The following CTNNA3 variants were observed in gnomAD, a reference collection of about 807,000 sequenced individuals.
The protein encoded by CTNNA3 is catenin alpha 3.
In CTNNA3, 76 loss-of-function variants were observed where a neutral mutation model predicts 95.7. The ratio of observed to expected loss-of-function variants is 0.79; its 90% confidence interval spans 0.66 to 0.96. The LOEUF (loss-of-function observed/expected upper bound fraction) is 0.96. Among genes scored for constraint, CTNNA3 ranks in the 40% least tolerant of loss-of-function variants. CTNNA3 has a pLI of 0.00. For synonymous variants in CTNNA3, 431 were observed against 374.4 expected (o/e 1.15, Z -1.74); for missense variants, 1,191 against 1,089.8 (o/e 1.09, Z -1.31).
intron 7 of CTNNA3, among the ~76,000 whole-genome samples, chr10:67,096,307 A>C (rs1857989281): frequency 6.6e-6 from 1 of 151,848 alleles, no homozygotes; most frequent in African/African-American, 2.4e-5. Context: ...GTAGGGATGG[A>C]AACAGAAGTG....
chr10:66,633,985 C>G (rs1845248096), intron 9 of CTNNA3, among the ~76,000 whole-genome samples: 1 of 152,040 alleles, frequency 6.6e-6, no homozygotes, highest in Non-Finnish European at 1.5e-5. Context: ...GTGTAATAAT[C>G]TCATTTATGA....
chr10:66,623,293 A>C (rs1844815730), intron 9 of CTNNA3, among the ~76,000 whole-genome samples: 1 of 152,136 alleles, frequency 6.6e-6, no homozygotes, highest in Non-Finnish European at 1.5e-5. Flanking sequence ...TCATTGGCTC[A>C]ATGTGGTCAA....
chr10:67,287,455 T>G (rs1255969655), intron 5 of CTNNA3, among the ~76,000 whole-genome samples: 3 of 152,242 alleles, frequency 2.0e-5, no homozygotes, highest in Non-Finnish European at 4.4e-5. Flanking sequence ...TAAATATCTT[T>G]GCATATAGTA....
chr10:66,122,252 A>C (rs967279891), intron 13 of CTNNA3, among the ~76,000 whole-genome samples: 1 of 152,204 alleles, frequency 6.6e-6, no homozygotes, highest in Non-Finnish European at 1.5e-5. Context: ...CACAGCTGAG[A>C]AGAGAATCAG....
At chr10:65,935,705 T>C (rs924469342) in intron 17 of CTNNA3, among the ~76,000 whole-genome samples, 2 of 152,062 alleles carry the variant, frequency 1.3e-5, no homozygotes, top group African/African-American at 2.4e-5. Context: ...ATTTTCTAAG[T>C]GTGTGTGTGT....
chr10:67,726,561 A>G (rs891767068), intron 1 of CTNNA3, among the ~76,000 whole-genome samples: 40 of 72,600 alleles, frequency 5.5e-4, no homozygotes, highest in Non-Finnish European at 4.8e-4. Context: ...TATATAATAT[A>G]ATATATATTA....
chr10:65,989,215 AGGCGTGAGCC>A (rs1013227894), intron 15 of CTNNA3, among the ~76,000 whole-genome samples: 5 of 152,216 alleles, frequency 3.3e-5, no homozygotes, highest in Admixed American at 2.0e-4. Flanking sequence ...CTGGGATTAC[AGGCGTGAGCC>A]GCCGTGCCCT....
At chr10:67,564,097 G>A (rs933282609) in intron 3 of CTNNA3, among the ~76,000 whole-genome samples, 2 of 149,724 alleles carry the variant, frequency 1.3e-5, no homozygotes, top group Non-Finnish European at 3.0e-5. Context: ...ATTCCTTAAG[G>A]ATCTAGAACT....
intron 7 of CTNNA3, among the ~76,000 whole-genome samples, chr10:67,071,536 T>C (rs1472331105): frequency 6.6e-6 from 1 of 151,988 alleles, no homozygotes; most frequent in Non-Finnish European, 1.5e-5. Context: ...TTGACTTCAT[T>C]TAAGATCTTG....
intron 10 of CTNNA3, among the ~76,000 whole-genome samples, chr10:66,526,974 G>T (rs111522203): frequency 1.3e-5 from 2 of 151,098 alleles, no homozygotes; most frequent in African/African-American, 4.9e-5. Context: ...TCCATTTTTT[G>T]TGCTTTTGGT....
intron 9 of CTNNA3, among the ~76,000 whole-genome samples, chr10:66,682,706 C>T (rs986791943): frequency 6.7e-6 from 1 of 148,964 alleles, no homozygotes; most frequent in African/African-American, 2.5e-5. Flanking sequence ...TCAGGGGGTA[C>T]ATGTACAGGT....
chr10:66,162,076 C>T (rs1221374556), intron 13 of CTNNA3, among the ~76,000 whole-genome samples: 3 of 151,688 alleles, frequency 2.0e-5, no homozygotes, highest in Non-Finnish European at 2.9e-5. Flanking sequence ...TTTAAGCTAT[C>T]TATTTTCTTG....
At chr10:67,723,838 G>A (rs1209713525) in intron 1 of CTNNA3, among the ~76,000 whole-genome samples, 1 of 151,964 alleles carries the variant, frequency 6.6e-6, no homozygotes, top group African/African-American at 2.4e-5. Flanking sequence ...CGTCTTTCTC[G>A]GTATGCTATG....
chr10:66,551,074 T>C (rs1477137765), intron 10 of CTNNA3, among the ~76,000 whole-genome samples: 1 of 152,190 alleles, frequency 6.6e-6, no homozygotes, highest in Non-Finnish European at 1.5e-5. Context: ...ATTTACCCTT[T>C]CCAATTGTTC....
chr10:66,135,154 A>G (rs1240220265), intron 13 of CTNNA3, among the ~76,000 whole-genome samples: 1 of 152,210 alleles, frequency 6.6e-6, no homozygotes, highest in African/African-American at 2.4e-5. Flanking sequence ...TTAGCTAGTA[A>G]CAGTAAAAGA....
At chr10:67,278,459 A>G (rs1022992979) in intron 5 of CTNNA3, among the ~76,000 whole-genome samples, 5 of 152,172 alleles carry the variant, frequency 3.3e-5, no homozygotes, top group African/African-American at 1.2e-4. Flanking sequence ...CTTCCAGGCC[A>G]TAGGTGAATT....
intron 16 of CTNNA3, among the ~76,000 whole-genome samples, chr10:65,967,173 G>A: frequency 6.6e-6 from 1 of 151,452 alleles, no homozygotes; most frequent in Non-Finnish European, 1.5e-5. Flanking sequence ...ATCTAGGATG[G>A]TCTTGATCTC....
At chr10:67,559,430 C>A (rs1265647619) in intron 3 of CTNNA3, among the ~76,000 whole-genome samples, 2 of 152,196 alleles carry the variant, frequency 1.3e-5, no homozygotes, top group Admixed American at 6.5e-5. Context: ...GCTGAGGGTC[C>A]TGTCTGTTAG....
In CTNNA3 at chr10:67,709,088, C is replaced by T. The variant is rs540696656; in HGVS notation, c.-2+54346G>A. Among the ~76,000 whole-genome samples, 21 of 152,180 alleles carry T rather than the reference C, an allele frequency of 1.4e-4. No individual in the cohort carries two copies. In the East Asian group the frequency reaches 3.9e-3, roughly 28 times the overall value. On this transcript the variant is annotated intron_variant, in intron 1 of 17. Coordinates refer to the CTNNA3 transcript ENST00000684154. The stretch of plus-strand genomic sequence containing the variant: ...ACTCTTCCCCTTATGCACAGAATCA[C>T]TATGAATGTGGCAGCTACAAATGTA...
Sources: allele counts gnomAD v4.1 joint callset (sites outside exome capture counted in the v4.1 genomes callset), GRCh38; gene constraint gnomAD v4.1.1; transcripts MANE v1.5; gene names NCBI Gene and HGNC (gene_info 2026-07-23, HGNC 2026-07-21).